The following FOXP2 variants were observed in gnomAD, a reference collection of about 807,000 sequenced individuals.
FOXP2 encodes the protein forkhead box P2.
FOXP2 carries 12 observed loss-of-function variants against 115.8 expected under a neutral mutation model. That is an observed-to-expected ratio of 0.10 (90% CI 0.07 to 0.17). The LOEUF (loss-of-function observed/expected upper bound fraction) is 0.17, where lower values mean the gene tolerates loss of function less well. Ranked by LOEUF, FOXP2 falls within the 10% of genes least tolerant of loss-of-function variation. The probability of loss-of-function intolerance (pLI) is 1.00; values close to 1 mark genes in which losing one functional copy is unlikely to be tolerated. For missense variants in FOXP2, 629 were observed against 843.5 expected (o/e 0.75, Z 3.15); for synonymous variants, 328 against 297.7 (o/e 1.10, Z -1.05).
intron 1 of FOXP2, among the ~76,000 whole-genome samples, chr7:114,249,704 A>T (rs1290864816): frequency 1.3e-5 from 2 of 151,968 alleles, no homozygotes; most frequent in African/African-American, 4.8e-5. Context: ...TAATAGAATG[A>T]TTTATATTCC....
At chr7:114,655,591 C>T (rs1431655652) in intron 10 of FOXP2, among the ~76,000 whole-genome samples, 2 of 152,090 alleles carry the variant, frequency 1.3e-5, no homozygotes. Flanking sequence ...TCAATACTCA[C>T]AACCCTCAAA....
rs1230696201 is a variant in FOXP2 at position 114,691,988 on chromosome 7, A to G, written c.*2062A>G. 2 of 441,908 alleles carry G rather than the reference A, an allele frequency of 4.5e-6. No individual in the cohort carries two copies. Among genetic ancestry groups the G allele is most frequent in the Non-Finnish European group, 9.0e-6 (2 of 223,460 alleles). 27.4% of individuals were successfully genotyped at this position (441,908 alleles called of 1,614,324 possible). On this transcript the variant is annotated 3_prime_UTR_variant, in exon 17 of 17. Transcript: ENST00000350908. ...CATTAGAACAATTATGGCAGATTGC[A>G]TGAAACGTGAGAACGTCACAGTAAC...
At chr7:114,348,466 C>T (rs1791401156) in intron 2 of FOXP2, among the ~76,000 whole-genome samples, 1 of 151,956 alleles carries the variant, frequency 6.6e-6, no homozygotes, top group African/African-American at 2.4e-5. Context: ...AGTCATATTT[C>T]CTCATCTCAT....
chr7:114,385,171 G>A (rs1412692370), intron 2 of FOXP2, among the ~76,000 whole-genome samples: 1 of 151,982 alleles, frequency 6.6e-6, no homozygotes, highest in Non-Finnish European at 1.5e-5. Flanking sequence ...AATCGGGAGG[G>A]ATACCAGGGA....
intron 2 of FOXP2, among the ~76,000 whole-genome samples, chr7:114,368,372 A>G (rs1791928497): frequency 6.6e-6 from 1 of 152,224 alleles, no homozygotes; most frequent in South Asian, 2.1e-4. Context: ...CATACTTAAA[A>G]TTCATTATCT....
chr7:114,187,046 A>T (rs1793625240), intron 1 of FOXP2, among the ~76,000 whole-genome samples: 1 of 152,188 alleles, frequency 6.6e-6, no homozygotes, highest in South Asian at 2.1e-4. Context: ...AGATGCTTTC[A>T]GGGTCATTCT....
chr7:114,172,493 A>G (rs1476569111), intron 1 of FOXP2, among the ~76,000 whole-genome samples: 1 of 152,184 alleles, frequency 6.6e-6, no homozygotes, highest in Admixed American at 6.6e-5. Flanking sequence ...GAATCCTGGT[A>G]TAAACTCTGG....
chr7:114,666,852 A>T (rs1807189488), intron 16 of FOXP2: 1 of 152,152 alleles, frequency 6.6e-6, no homozygotes, highest in South Asian at 2.1e-4. Context: ...TAATAATATA[A>T]TGCTTCTTAT....
intron 1 of FOXP2, among the ~76,000 whole-genome samples, chr7:114,202,282 T>A (rs1190934804): frequency 3.9e-5 from 6 of 152,222 alleles, no homozygotes; most frequent in Admixed American, 2.0e-4. Context: ...CCTCTCTGTA[T>A]GTTCCTGTAA....
chr7:114,248,753 T>C (rs1336143709), intron 1 of FOXP2, among the ~76,000 whole-genome samples: 3 of 152,208 alleles, frequency 2.0e-5, no homozygotes, highest in Non-Finnish European at 4.4e-5. Context: ...AAAGTTAATG[T>C]AACACTTATT....
chr7:114,649,277 T>C (rs971706715), intron 8 of FOXP2, among the ~76,000 whole-genome samples: 1 of 152,114 alleles, frequency 6.6e-6, no homozygotes, highest in Non-Finnish European at 1.5e-5. Context: ...CCGTAATTTA[T>C]GACATAGGCA....
At chr7:114,680,014 G>A (rs1210765752) in intron 16 of FOXP2, among the ~76,000 whole-genome samples, 1 of 152,072 alleles carries the variant, frequency 6.6e-6, no homozygotes, top group East Asian at 1.9e-4. Flanking sequence ...CTTCTAACAA[G>A]AAGTAACTTT....
chr7:114,302,209 A>G (rs1308998021), intron 2 of FOXP2, among the ~76,000 whole-genome samples: 1 of 152,192 alleles, frequency 6.6e-6, no homozygotes, highest in Non-Finnish European at 1.5e-5. Flanking sequence ...TCTCCAGGTT[A>G]TAACAGTGGT....
chr7:114,572,053 A>G (rs1021361099), intron 3 of FOXP2, among the ~76,000 whole-genome samples: 3 of 151,850 alleles, frequency 2.0e-5, no homozygotes, highest in African/African-American at 7.2e-5. Flanking sequence ...GTCTTCCTGA[A>G]TGAAGAAGAA....
chr7:114,450,311 GA>G (rs1259026970), intron 2 of FOXP2, among the ~76,000 whole-genome samples: 6 of 152,092 alleles, frequency 3.9e-5, no homozygotes, highest in African/African-American at 1.4e-4. Context: ...TTAGGCATAT[GA>G]AAATTGCATT....
intron 1 of FOXP2, among the ~76,000 whole-genome samples, chr7:114,172,459 ATAGG>A (rs1269504250): frequency 6.6e-6 from 1 of 152,200 alleles, no homozygotes; most frequent in Non-Finnish European, 1.5e-5. Context: ...GTCAAAATCC[ATAGG>A]CCTGTACAAA....
chr7:114,398,796 A>G (rs1305566987), intron 2 of FOXP2, among the ~76,000 whole-genome samples: 1 of 152,238 alleles, frequency 6.6e-6, no homozygotes, highest in East Asian at 1.9e-4. Context: ...TCTCTCAGCA[A>G]CAAGTTTTCC....
chr7:114,515,227 A>C (rs1408233909), intron 2 of FOXP2, among the ~76,000 whole-genome samples: 1 of 149,922 alleles, frequency 6.7e-6, no homozygotes, highest in Non-Finnish European at 1.5e-5. Context: ...CTTTGGGTAT[A>C]TACCCAGTAA....
At chr7:114,147,315 G>T (rs865856078) in intron 1 of FOXP2, among the ~76,000 whole-genome samples, 7 of 152,026 alleles carry the variant, frequency 4.6e-5, no homozygotes, top group Admixed American at 1.3e-4. Flanking sequence ...TTATTTGGCT[G>T]TCCCCAGAAT....
Sources: gnomAD v4.1 joint callset for allele counts (sites outside exome capture counted in the v4.1 genomes callset) on GRCh38, gnomAD v4.1.1 for gene constraint, MANE v1.5 for transcripts, NCBI Gene and HGNC (gene_info 2026-07-23, HGNC 2026-07-21) for gene names.